RNF17: variants seen among roughly 807,000 people sequenced by gnomAD.
The protein encoded by RNF17 is spermatogenesis associated 23.
A neutral mutation model predicts 200.5 loss-of-function variants in RNF17; 31 were observed. That is an observed-to-expected ratio of 0.15 (90% CI 0.12 to 0.21). The LOEUF (loss-of-function observed/expected upper bound fraction) is 0.21, where lower values mean the gene tolerates loss of function less well. RNF17 is among the 10% of genes least tolerant of loss of function. The probability of loss-of-function intolerance (pLI) is 1.00; values close to 1 mark genes in which losing one functional copy is unlikely to be tolerated. For synonymous variants in RNF17, 606 were observed against 637.8 expected, an observed-to-expected ratio of 0.95 and a Z score of 0.75; for missense variants, 1,628 against 1,905.1, an observed-to-expected ratio of 0.85 and a Z score of 2.71.
At chr13:24,859,310 G>A in intron 26 of RNF17, 146 bp downstream of exon 26, 1 of 624,760 alleles carries the variant, frequency 1.6e-6, no homozygotes, top group Non-Finnish European at 2.4e-6. Context: ...ACTTTTATTT[G>A]TAATAATTTT....
chr13:24,835,808 C>T (rs1889931847), intron 18 of RNF17, among the ~76,000 whole-genome samples: 1 of 152,192 alleles, frequency 6.6e-6, no homozygotes, highest in South Asian at 2.1e-4. Flanking sequence ...AGCAGTGGAT[C>T]CAAACCAAGA....
At chr13:24,794,086 T>G in intron 10 of RNF17, 1 of 400,430 alleles carries the variant, frequency 2.5e-6, no homozygotes, top group South Asian at 1.8e-5. Context: ...CAGTACAGCT[T>G]TTTAAAAACT....
chr13:24,799,729 A>G, intron 12 of RNF17, 145 bp downstream of exon 12: 1 of 596,446 alleles, frequency 1.7e-6, no homozygotes, highest in Non-Finnish European at 2.9e-6. Context: ...ATTTTGCTCT[A>G]CTGTTGTCTT....
intron 11 of RNF17, among the ~76,000 whole-genome samples, chr13:24,796,507 T>C (rs1884589300): frequency 6.6e-6 from 1 of 152,298 alleles, no homozygotes; most frequent in South Asian, 2.1e-4. Flanking sequence ...GAGTGAGATA[T>C]GTACAGAAAC....
chr13:24,784,789 C>T (rs1294647894), intron 6 of RNF17, among the ~76,000 whole-genome samples: 1 of 152,146 alleles, frequency 6.6e-6, no homozygotes, highest in Non-Finnish European at 1.5e-5. Flanking sequence ...TCACCAGAAC[C>T]TCTGTATCCC....
the RNF17 span, among the ~76,000 whole-genome samples, chr13:24,748,630 A>G: frequency 6.6e-6 from 1 of 152,198 alleles, no homozygotes; most frequent in Non-Finnish European, 1.5e-5. Context: ...CTATGTGGAG[A>G]TACAGGATAA....
chr13:24,843,989 A>T lies in RNF17; in HGVS notation c.2831+18A>T, dbSNP rs1389742287. ...CTTAATAGGTATAATATATATATAT[A>T]ATATATAAGGAAAATATTGCATATG... On this transcript the variant is annotated intron_variant, in intron 20 of 35. Coordinates refer to ENST00000255324, the MANE Select transcript of RNF17 (RefSeq NM_031277.3). The T allele has an allele frequency of 1.9e-5, 13 of 675,144 alleles. No homozygotes were observed. The highest frequency in any genetic ancestry group is 2.9e-5 in the Non-Finnish European group (13 of 453,880). The allele number at this position is 675,144 out of a possible 1,614,324, so 41.8% of individuals were successfully genotyped here.
chr13:24,806,644 G>A (rs547356003), intron 15 of RNF17, among the ~76,000 whole-genome samples: 183 of 151,894 alleles, frequency 1.2e-3, no homozygotes, highest in African/African-American at 4.1e-3. Flanking sequence ...GAATAATAGC[G>A]TTCTTTTTTT....
At chr13:24,811,819 T>C (rs1453330254) in intron 15 of RNF17, among the ~76,000 whole-genome samples, 2 of 152,210 alleles carry the variant, frequency 1.3e-5, no homozygotes. Flanking sequence ...GATGGGTTTT[T>C]GGTGTGGATG....
At chr13:24,805,196 G>A (rs890898169) in intron 15 of RNF17, among the ~76,000 whole-genome samples, 15 of 152,052 alleles carry the variant, frequency 9.9e-5, no homozygotes, top group Admixed American at 2.6e-4. Context: ...TTTTTACAGC[G>A]TCTTTTATGG....
intron 18 of RNF17, among the ~76,000 whole-genome samples, chr13:24,841,105 A>G (rs1412581490): frequency 1.3e-5 from 2 of 152,188 alleles, no homozygotes; most frequent in Non-Finnish European, 2.9e-5. Flanking sequence ...TTATTGACCA[A>G]TTTCCCTGTG....
At chr13:24,866,101 A>G (rs1177229094) in intron 29 of RNF17, 43 bp from the exon 30 acceptor site, 5 of 1,080,892 alleles carry the variant, frequency 4.6e-6, no homozygotes, top group Admixed American at 2.0e-5. Flanking sequence ...ACCTTAAAAC[A>G]ATATAGCTAA....
intron 35 of RNF17, 132 bp downstream of exon 35, chr13:24,879,427 C>T: frequency 2.7e-5 from 17 of 633,156 alleles, no homozygotes; most frequent in Non-Finnish European, 4.7e-5. Flanking sequence ...CAGATTTCTT[C>T]ATAGGCCCTT....
chr13:24,767,192 C>T (rs1421552358), intron 1 of RNF17, 80 bp from the exon 2 acceptor site: 1 of 957,344 alleles, frequency 1.0e-6, no homozygotes, highest in East Asian at 2.5e-5. Flanking sequence ...CCACTACACT[C>T]CAGCTTGGGC....
At chr13:24,760,124 G>A (rs1005362578), upstream of RNF17, among the ~76,000 whole-genome samples, 1 of 152,150 alleles carries the variant, frequency 6.6e-6, no homozygotes, top group African/African-American at 2.4e-5. Flanking sequence ...CTGGGTGACA[G>A]AGCAAGACTC....
chr13:24,799,710 C>T (rs1022305074), intron 12 of RNF17, 126 bp downstream of exon 12: 21 of 617,520 alleles, frequency 3.4e-5, no homozygotes, highest in South Asian at 6.9e-5. Context: ...CCAAGACATA[C>T]GTTTTATTAT....
intron 3 of RNF17, among the ~76,000 whole-genome samples, chr13:24,775,108 TA>T (rs5802304): frequency 0.17 from 26,619 of 152,136 alleles, 2,480 homozygotes; most frequent in South Asian, 0.32. Context: ...TGTCCTTATT[TA>T]AAGAAAGAAA....
At chr13:24,851,030 T>C (rs1891828500) in intron 23 of RNF17, among the ~76,000 whole-genome samples, 1 of 152,224 alleles carries the variant, frequency 6.6e-6, no homozygotes, top group South Asian at 2.1e-4. Flanking sequence ...GTTTTGCTCT[T>C]GTGGCCCAGG....
At chr13:24,865,065 T>A in intron 29 of RNF17, 67 bp downstream of exon 29, 4 of 1,159,088 alleles carry the variant, frequency 3.5e-6, no homozygotes, top group Non-Finnish European at 4.9e-6. Flanking sequence ...TCACATTTTG[T>A]CTTACACTGT....
Sources: gnomAD v4.1 joint callset for allele counts (sites outside exome capture counted in the v4.1 genomes callset) on GRCh38, gnomAD v4.1.1 for gene constraint, MANE v1.5 for transcripts, NCBI Gene and HGNC (gene_info 2026-07-23, HGNC 2026-07-21) for gene names.